RNF19A: variants seen among roughly 807,000 people sequenced by gnomAD.
The protein encoded by RNF19A is E3 ubiquitin-protein ligase RNF19A.
In RNF19A, 32 loss-of-function variants were observed where a neutral mutation model predicts 75.7. The ratio of observed to expected loss-of-function variants is 0.42; its 90% CI spans 0.32 to 0.57. The LOEUF (loss-of-function observed/expected upper bound fraction) is 0.57. Among genes scored for constraint, RNF19A ranks in the 20% least tolerant of loss-of-function variants. The probability of loss-of-function intolerance (pLI) is 0.10; values close to 1 mark genes in which losing one functional copy is unlikely to be tolerated. For synonymous variants in RNF19A, 335 were observed against 345.2 expected, an observed-to-expected ratio of 0.97 and a Z score of 0.33; for missense variants, 782 against 1,036.3, an observed-to-expected ratio of 0.75 and a Z score of 3.37.
Position 100,279,870 on chromosome 8 carries a change from AGT to A in RNF19A, c.675-4711_675-4710del, listed in dbSNP as rs577806760. On this transcript the variant is annotated intron_variant, in intron 2 of 9. Coordinates refer to ENST00000341084, the MANE Select transcript of RNF19A (RefSeq NM_183419.4). ...AGTAGGGATGGGGTTTTGCCATGTT[AGT>A]CAGGCTGGTCTCGAACTCCTGGCCT... Among the ~76,000 whole-genome samples the A allele has an allele frequency of 3.0e-3, 460 of 152,062 alleles. 4 individuals are homozygous for A. Among genetic ancestry groups the A allele is most frequent in the African/African-American group, 0.01 (423 of 41,468 alleles).
At position 100,287,865 on chromosome 8, in the gene RNF19A, C is replaced by G. The variant is rs371251926; in HGVS notation, c.310G>C (p.Asp104His). 43 of 1,614,034 alleles carry G rather than the reference C, an allele frequency of 2.7e-5. No individual in the cohort carries two copies. Among genetic ancestry groups the G allele is most frequent in the Non-Finnish European group, 3.6e-5 (42 of 1,180,016 alleles). ...TTTGTAGAGAAAATGGAGTTCTTAT[C>G]AGTACACATTTCAGAATGTATACTT... ...IESIHSEMCT[D>H]KNSIFSTNTS... Residue 104 changes from aspartate (D) to histidine (H), a missense_variant, in exon 2 of 10, where the codon GAT (aspartate) becomes CAT (histidine). Physicochemically the swap from Asp to His is moderately conservative, Grantham distance 81 (BLOSUM62 -1). Transcript: ENST00000341084. This position sits in a 1 kb window ranked among gnomAD's most constrained non-coding sequence, Gnocchi z 4.1.
rs1012194826 is a variant in RNF19A, at chr8:100,324,887, T to C, written c.-243+11221A>G. Among the ~76,000 whole-genome samples the C allele has an allele frequency of 2.7e-5, 4 of 148,164 alleles. No individual in the cohort carries two copies. The highest frequency in any genetic ancestry group is 5.9e-5 in the Non-Finnish European group (4 of 67,438). On this transcript the variant is annotated intron_variant, in intron 1 of 3. Transcript: ENST00000519527. This position sits in a 1 kb window ranked among gnomAD's most constrained non-coding sequence, Gnocchi z 4.2. The stretch of plus-strand genomic sequence containing the variant: ...CTCTCTTTCTCTTTTTTTTCTTTCT[T>C]TCTCTCTCTCTCTTTCTCTCTTTCT...
chr8:100,319,863 T>C (rs570097559), intron 1 of RNF19A, among the ~76,000 whole-genome samples: 38 of 145,158 alleles, frequency 2.6e-4, no homozygotes, highest in Admixed American at 4.2e-4. Context: ...GAGATGGAAT[T>C]TTGCTCTTGT....
At chr8:100,289,384 G>A (rs1049876460) in intron 1 of RNF19A, among the ~76,000 whole-genome samples, 8 of 152,190 alleles carry the variant, frequency 5.3e-5, no homozygotes, top group African/African-American at 1.9e-4. Context: ...TCAACAGACA[G>A]TATTAAGGGT....
rs1254468289 is a variant in RNF19A, at chr8:100,259,343, T to C, written c.1827-97A>G. The C allele has an allele frequency of 1.4e-5, 13 of 949,810 alleles. No individual in the cohort carries two copies. The highest frequency in any genetic ancestry group is 1.2e-4 in the East Asian group (5 of 41,600). The allele number at this position is 949,810 out of a possible 1,614,324, so 58.8% of individuals were successfully genotyped here. A position where few individuals can be genotyped will look rare whatever the true frequency, so the allele number is the denominator to read the frequency against. On this transcript the variant is annotated intron_variant, in intron 9 of 9. Coordinates refer to ENST00000341084, the MANE Select transcript of RNF19A (RefSeq NM_183419.4). This position sits in a 1 kb window ranked among gnomAD's most constrained non-coding sequence, Gnocchi z 4.5. Reference sequence around the variant, plus strand: ...TTCTATGTGGAAAATTCAGACTATATATAAGCTATGAGAACACCTTAACGC... The same window carrying C: ...TTCTATGTGGAAAATTCAGACTATACATAAGCTATGAGAACACCTTAACGC...
intron 2 of RNF19A, among the ~76,000 whole-genome samples, chr8:100,276,166 T>A (rs572150688): frequency 6.6e-6 from 1 of 152,312 alleles, no homozygotes; most frequent in South Asian, 2.1e-4. Context: ...CAAAGCAGCC[T>A]TATTCAGAAT....
chr8:100,287,836 G>A lies in RNF19A; in HGVS notation c.339C>T (p.Thr113=), dbSNP rs762354816. ...TGGAAGTTAATCCATTGTCAGAAGA[G>A]GTATTTGTAGAGAAAATGGAGTTCT... The part of the protein sequence containing the change: ...TDKNSIFSTN[T]SSDNGLTSIS... The change falls in exon 2 of 10, where the codon ACC becomes ACT. Residue 113 remains threonine, a synonymous_variant. Transcript: ENST00000341084. The surrounding 1 kb of genome is among the most constrained non-coding windows in gnomAD (Gnocchi z 4.1). 3.7e-6 allele frequency: 6 copies of A among 1,614,076 alleles called. No individual in the cohort carries two copies. The East Asian group carries it at 1.3e-4, about 36-fold the overall frequency.
At chr8:100,300,125 C>G (rs543071845) in intron 1 of RNF19A, among the ~76,000 whole-genome samples, 16 of 152,202 alleles carry the variant, frequency 1.1e-4, no homozygotes, top group Admixed American at 7.8e-4. Flanking sequence ...GCACAATAAG[C>G]AAAATGTGTC....
At chr8:100,306,579 C>T (rs1189435425) in intron 1 of RNF19A, among the ~76,000 whole-genome samples, 1 of 148,954 alleles carries the variant, frequency 6.7e-6, no homozygotes, top group Non-Finnish European at 1.5e-5. Flanking sequence ...AGAAGTGTTA[C>T]TTTTTCCACT....
intron 1 of RNF19A, among the ~76,000 whole-genome samples, chr8:100,320,715 T>C (rs1470068294): frequency 6.6e-6 from 1 of 152,142 alleles, no homozygotes; most frequent in Non-Finnish European, 1.5e-5. Context: ...GTGGATTAGA[T>C]AAAATAATAC....
chr8:100,325,326 A>G lies in RNF19A; in HGVS notation c.-243+10782T>C, dbSNP rs1822519892. Among the ~76,000 whole-genome samples the G allele has an allele frequency of 6.6e-6, 1 of 152,198 alleles. No individual in the cohort carries two copies. ...GAGTTTGGTTTCTGAGTCTTCCAAA[A>G]AGTAGTTACAATGTAACTGTGTAAA... On this transcript the variant is annotated intron_variant, in intron 1 of 3. Transcript: ENST00000519527. This position sits in a 1 kb window ranked among gnomAD's most constrained non-coding sequence, Gnocchi z 4.3.
intron 1 of RNF19A, among the ~76,000 whole-genome samples, chr8:100,300,332 G>C (rs966839259): frequency 2.0e-5 from 3 of 152,092 alleles, no homozygotes; most frequent in Non-Finnish European, 4.4e-5. Flanking sequence ...TCTCTGTTAC[G>C]GTTTTCTTAC....
In RNF19A at chr8:100,309,854, T is replaced by C. The variant is rs931493248; in HGVS notation, c.-94+13A>G. 3.1e-5 allele frequency: 31 copies of C among 985,438 alleles called. No homozygotes were observed. The highest frequency in any genetic ancestry group is 3.5e-5 in the Non-Finnish European group (29 of 830,056). 61.0% of individuals were successfully genotyped at this position (985,438 alleles called of 1,614,324 possible). A position where few individuals can be genotyped will look rare whatever the true frequency, so the allele number is the denominator to read the frequency against. On this transcript the variant is annotated intron_variant, in intron 1 of 9. Coordinates refer to ENST00000341084, the MANE Select transcript of RNF19A (RefSeq NM_183419.4). ...GCTCCGGGGCGCAAGCTCCTCCGGG[T>C]GCCCGCCCGTACCTTTAACTCCTCA...
At chr8:100,292,021 C>T (rs1821322184) in intron 1 of RNF19A, among the ~76,000 whole-genome samples, 1 of 144,478 alleles carries the variant, frequency 6.9e-6, no homozygotes, top group African/African-American at 2.6e-5. Context: ...CAGATAATTC[C>T]CAGCAGAGTT....
chr8:100,319,651 T>C (rs980986041), intron 1 of RNF19A, among the ~76,000 whole-genome samples: 1 of 150,270 alleles, frequency 6.7e-6, no homozygotes, highest in Non-Finnish European at 1.5e-5. Context: ...TGCCTCAGCC[T>C]CCTGAGTAGC....
rs538910426 is a variant in RNF19A, at chr8:100,309,148, G to C, written c.-94+719C>G. The C allele has an allele frequency of 2.6e-4, 54 of 211,036 alleles. 1 individual carries two copies. The highest frequency in any genetic ancestry group is 9.0e-5 in the Non-Finnish European group (11 of 121,896). 13.1% of individuals were successfully genotyped at this position (211,036 alleles called of 1,614,324 possible). On this transcript the variant is annotated intron_variant, in intron 1 of 9. Transcript: ENST00000341084. ...ATTCAAAGTAGTAGTATTACTTGCC[G>C]GGCGAGGGCTGGGAACACCCTAAAG...
In RNF19A at chr8:100,284,119, G is replaced by T. The variant is rs764890540; in HGVS notation, c.674+3382C>A. On this transcript the variant is annotated intron_variant, in intron 2 of 9. Coordinates refer to ENST00000341084, the MANE Select transcript of RNF19A (RefSeq NM_183419.4). The surrounding 1 kb of genome is among the most constrained non-coding windows in gnomAD (Gnocchi z 4.3). The stretch of plus-strand genomic sequence containing the variant: ...GCAAAACTTTGGAAATACAGATGAA[G>T]AATAATAAGTAAGAGCAATGACAAG... Among the ~76,000 whole-genome samples, 23 of 151,830 alleles carry T rather than the reference G, an allele frequency of 1.5e-4. No homozygotes were observed. The highest frequency in any genetic ancestry group is 3.4e-4 in the Non-Finnish European group (23 of 67,914).
chr8:100,306,352 C>T (rs910654273), intron 1 of RNF19A, among the ~76,000 whole-genome samples: 3 of 152,142 alleles, frequency 2.0e-5, no homozygotes, highest in Non-Finnish European at 2.9e-5. Flanking sequence ...TTTCATGTAA[C>T]AAAACCTTTC....
At chr8:100,288,372 T>C (rs1420110629) in intron 1 of RNF19A, 105 bp from the exon 2 acceptor site, 8 of 741,230 alleles carry the variant, frequency 1.1e-5, no homozygotes, top group African/African-American at 1.8e-5. Context: ...TAACCATTAG[T>C]AGTAGTTGTT....
Sources: gnomAD v4.1 joint callset for allele counts (sites outside exome capture counted in the v4.1 genomes callset) on GRCh38, gnomAD v4.1.1 for gene constraint, Gnocchi (gnomAD v3.1) non-coding constraint, MANE v1.5 for transcripts, NCBI Gene and HGNC (gene_info 2026-07-23, HGNC 2026-07-21) for gene names.